Variants in REDIC1 observed in about 807,000 individuals in gnomAD.
REDIC1 encodes the protein HEI10 Interacting Protein 1.
chr12:39,650,588 G>C, the REDIC1 span, among the ~76,000 whole-genome samples: 1 of 151,790 alleles, frequency 6.6e-6, no homozygotes, highest in Non-Finnish European at 1.5e-5. The surrounding 1 kb of genome is among the most constrained non-coding windows in gnomAD (Gnocchi z 4.3). Flanking sequence ...TTTATTTTTT[G>C]AAAAGAAGTC....
At chr12:39,815,784 A>G in the REDIC1 span, among the ~76,000 whole-genome samples, 1 of 152,186 alleles carries the variant, frequency 6.6e-6, no homozygotes, top group Admixed American at 6.5e-5. Flanking sequence ...CCAGTCTGGA[A>G]AAAACAAATA....
chr12:39,841,989 T>C, the REDIC1 span, among the ~76,000 whole-genome samples: 13 of 152,230 alleles, frequency 8.5e-5, no homozygotes, highest in Admixed American at 4.6e-4. Context: ...TGTTCTCATT[T>C]AATTCTTACA....
chr12:39,748,853 G>A, the REDIC1 span, among the ~76,000 whole-genome samples: 1 of 152,128 alleles, frequency 6.6e-6, no homozygotes, highest in Non-Finnish European at 1.5e-5. Flanking sequence ...CAGAAATAAA[G>A]ATGTTCTTTG....
the REDIC1 span, among the ~76,000 whole-genome samples, chr12:39,731,545 G>A: frequency 2.8e-3 from 419 of 152,232 alleles, 1 homozygote; most frequent in African/African-American, 8.6e-3. Flanking sequence ...AGGGGCACCC[G>A]CCAGATGCCA....
the REDIC1 span, chr12:39,684,172 T>C: frequency 1.9e-5 from 20 of 1,031,692 alleles, no homozygotes; most frequent in Non-Finnish European, 2.4e-5. Flanking sequence ...TCATCCATTA[T>C]GTGTTGATGT....
At chr12:39,639,849 T>A in the REDIC1 span, among the ~76,000 whole-genome samples, 1 of 151,998 alleles carries the variant, frequency 6.6e-6, no homozygotes, top group African/African-American at 2.4e-5. Flanking sequence ...TTTTACTTAT[T>A]CTTACATAAA....
the REDIC1 span, among the ~76,000 whole-genome samples, chr12:39,676,332 G>A: frequency 1.1e-4 from 16 of 152,118 alleles, no homozygotes; most frequent in South Asian, 1.7e-3. Context: ...CAATAGAATC[G>A]AACAAGTAGA....
chr12:39,632,658 A>G, the REDIC1 span, among the ~76,000 whole-genome samples: 137 of 152,204 alleles, frequency 9.0e-4, no homozygotes, highest in East Asian at 0.012. Context: ...TGTAAACATC[A>G]TAGACTGTGC....
chr12:39,897,602 C>T, the REDIC1 span, among the ~76,000 whole-genome samples: 1 of 152,144 alleles, frequency 6.6e-6, no homozygotes, highest in African/African-American at 2.4e-5. Context: ...GAACCAACCA[C>T]ATGCAGCTCT....
chr12:39,702,190 G>A, the REDIC1 span, among the ~76,000 whole-genome samples: 1 of 151,912 alleles, frequency 6.6e-6, no homozygotes, highest in African/African-American at 2.4e-5. Flanking sequence ...GGTAGACCTA[G>A]CAAGACTAAT....
the REDIC1 span, among the ~76,000 whole-genome samples, chr12:39,783,727 G>A: frequency 6.6e-6 from 1 of 152,034 alleles, no homozygotes; most frequent in Admixed American, 6.6e-5. Flanking sequence ...TTGTTTTCTT[G>A]TAAATTTGTT....
chr12:39,723,586 AATGTTT>A, the REDIC1 span, among the ~76,000 whole-genome samples: 1 of 152,174 alleles, frequency 6.6e-6, no homozygotes, highest in African/African-American at 2.4e-5. Context: ...TTTGTAATTT[AATGTTT>A]ATAAAGCAGA....
At chr12:39,771,643 G>A in the REDIC1 span, among the ~76,000 whole-genome samples, 1 of 152,132 alleles carries the variant, frequency 6.6e-6, no homozygotes. Flanking sequence ...CACAGGAAGT[G>A]CTATATTATT....
At chr12:39,854,940 G>A in the REDIC1 span, among the ~76,000 whole-genome samples, 2,334 of 152,238 alleles carry the variant, frequency 0.015, 46 homozygotes, top group African/African-American at 0.051. Context: ...CCTCTGTGAC[G>A]GGTCCTTAAT....
At chr12:39,770,135 T>C in the REDIC1 span, among the ~76,000 whole-genome samples, 4 of 152,154 alleles carry the variant, frequency 2.6e-5, no homozygotes, top group East Asian at 7.7e-4. Flanking sequence ...AATATAGGTG[T>C]CCTCTAAGGT....
the REDIC1 span, among the ~76,000 whole-genome samples, chr12:39,662,793 A>G: frequency 2.0e-5 from 3 of 152,046 alleles, no homozygotes; most frequent in Non-Finnish European, 2.9e-5. Context: ...ATATTCAGAT[A>G]TGTTCCTTCT....
the REDIC1 span, among the ~76,000 whole-genome samples, chr12:39,703,655 A>C: frequency 8.9e-4 from 136 of 152,244 alleles, no homozygotes; most frequent in African/African-American, 2.4e-3. Context: ...AAGCTGGAGG[A>C]ATCACACTAC....
At chr12:39,726,312 AG>A in the REDIC1 span, among the ~76,000 whole-genome samples, 1 of 151,622 alleles carries the variant, frequency 6.6e-6, no homozygotes, top group Non-Finnish European at 1.5e-5. Flanking sequence ...TCCCTCCCCT[AG>A]CCCCCCACAC....
At chr12:39,712,567 GTA>G in the REDIC1 span, among the ~76,000 whole-genome samples, 1 of 138,412 alleles carries the variant, frequency 7.2e-6, no homozygotes, top group African/African-American at 2.6e-5. Context: ...GTGTATATAC[GTA>G]TATACGTATA....
Sources: allele counts gnomAD v4.1 joint callset (sites outside exome capture counted in the v4.1 genomes callset), GRCh38; gene constraint gnomAD v4.1.1; non-coding constraint Gnocchi (gnomAD v3.1); transcripts MANE v1.5; gene names NCBI Gene and HGNC (gene_info 2026-07-23, HGNC 2026-07-21).